The following YTHDC1 variants were observed in gnomAD, a reference collection of about 807,000 sequenced individuals.
YTHDC1 encodes YTH domain-containing protein 1.
Under a neutral mutation model 107.0 loss-of-function variants are expected in YTHDC1, and 12 were observed. That is an observed-to-expected ratio of 0.11 (90% CI 0.07 to 0.18). The LOEUF is 0.18. Among genes scored for constraint, YTHDC1 ranks in the 10% least tolerant of loss-of-function variants. YTHDC1 has a pLI of 1.00. For missense variants in YTHDC1, 635 were observed against 898.8 expected (o/e 0.71, Z 3.75); for synonymous variants, 280 against 289.5 (o/e 0.97, Z 0.33).
At chr4:68,338,182 T>C (rs1724439964) in intron 2 of YTHDC1, 101 bp downstream of exon 2, 1 of 1,332,042 alleles carries the variant, frequency 7.5e-7, no homozygotes, top group African/African-American at 1.5e-5. Flanking sequence ...GTTAACTGCC[T>C]CAAGGAACAA....
intron 15 of YTHDC1, among the ~76,000 whole-genome samples, chr4:68,318,267 G>A (rs1272930973): frequency 1.3e-5 from 2 of 152,004 alleles, no homozygotes; most frequent in African/African-American, 4.8e-5. Context: ...CCCAGCTAAT[G>A]TTTTTTGTAT....
intron 7 of YTHDC1, 61 bp from the exon 8 acceptor site, chr4:68,330,371 TTA>T: frequency 3.4e-6 from 4 of 1,184,178 alleles, no homozygotes; most frequent in East Asian, 2.5e-5. Context: ...GTGTTTCCAG[TTA>T]TGTTTGAAAA....
At position 68,314,120 on chromosome 4, in the gene YTHDC1, C is replaced by T. The variant is rs1330023132; in HGVS notation, c.2163G>A (p.Glu721=). The T allele has an allele frequency of 1.2e-6, 2 of 1,614,080 alleles. No homozygotes were observed. Among genetic ancestry groups the T allele is most frequent in the Admixed American group, 3.3e-5 (2 of 60,010 alleles). The change falls in exon 17 of 17, where the codon GAG becomes GAA. Residue 721 remains glutamate, a synonymous_variant. Transcript: ENST00000344157. ...RLCDRDRDRG[E]RGRYRR ...CCCATTATCTTCTATATCGACCTCT[C>T]TCCCCTCGGTCTCTGTCTCGATCAC... is the stretch of plus-strand genomic sequence containing the variant.
At position 68,327,202 on chromosome 4, in the gene YTHDC1, C is replaced by T. The variant is rs953135069; in HGVS notation, c.1349+2800G>A. On this transcript the variant is annotated intron_variant, in intron 9 of 16. Coordinates refer to ENST00000344157, the MANE Select transcript of YTHDC1 (RefSeq NM_001031732.4). The stretch of plus-strand genomic sequence containing the variant: ...GGTGAGCCGAGATTGCGCCATTGCA[C>T]TCTAGCCTGGGCAACAAGAGCGAAA... Among the ~76,000 whole-genome samples, 3 of 152,066 alleles carry T rather than the reference C, an allele frequency of 2.0e-5. No homozygotes were observed. The South Asian group carries it at 6.2e-4, about 32-fold the overall frequency.
At position 68,313,857 on chromosome 4, in the gene YTHDC1, T is replaced by A. The variant is rs1721514872; in HGVS notation, c.*242A>T. On this transcript the variant is annotated 3_prime_UTR_variant, in exon 17 of 17. Coordinates refer to ENST00000344157, the MANE Select transcript of YTHDC1 (RefSeq NM_001031732.4). ...AGAATCAGTATCTACATTCTTGGACTGTTCCATTCTGCCCCAATAAAAGTG... is the reference window on the plus strand; with the variant it reads ...AGAATCAGTATCTACATTCTTGGACAGTTCCATTCTGCCCCAATAAAAGTG... 1 of 559,840 alleles carries A rather than the reference T, an allele frequency of 1.8e-6. No homozygotes were observed. Among genetic ancestry groups the A allele is most frequent in the African/African-American group, 1.9e-5 (1 of 53,252 alleles). The allele number at this position is 559,840 out of a possible 1,614,324, so 34.7% of individuals were successfully genotyped here.
intron 5 of YTHDC1, 100 bp from the exon 6 acceptor site, chr4:68,332,947 T>G (rs1723754638): frequency 9.6e-7 from 1 of 1,041,916 alleles, no homozygotes; most frequent in African/African-American, 1.6e-5. Context: ...CAAGACAAAT[T>G]ATTCTTCCTG....
At chr4:68,347,646 A>G (rs943173342) in intron 1 of YTHDC1, among the ~76,000 whole-genome samples, 8 of 152,238 alleles carry the variant, frequency 5.3e-5, no homozygotes, top group Non-Finnish European at 1.0e-4. Context: ...TAAACCATTT[A>G]TGGAATCATT....
At chr4:68,326,031 C>A (rs1319590816) in intron 9 of YTHDC1, among the ~76,000 whole-genome samples, 1 of 151,946 alleles carries the variant, frequency 6.6e-6, no homozygotes, top group Non-Finnish European at 1.5e-5. Context: ...TCTTTGTATT[C>A]TGTTGAATAA....
intron 16 of YTHDC1, 37 bp from the exon 17 acceptor site, chr4:68,314,360 AG>A: frequency 6.2e-7 from 1 of 1,604,014 alleles, no homozygotes; most frequent in Non-Finnish European, 8.5e-7. Context: ...TATGTCAAAA[AG>A]GCAAATAGTG....
chr4:68,326,399 T>A (rs1336602282), intron 9 of YTHDC1, among the ~76,000 whole-genome samples: 3 of 152,138 alleles, frequency 2.0e-5, no homozygotes, highest in Admixed American at 1.3e-4. Context: ...CCATGTAGCA[T>A]CCTTATTTTA....
intron 15 of YTHDC1, 75 bp downstream of exon 15, chr4:68,318,444 T>C: frequency 1.4e-6 from 2 of 1,385,842 alleles, no homozygotes; most frequent in South Asian, 1.4e-5. Context: ...GTAACAATCA[T>C]ATTCCGAGTA....
chr4:68,312,790 C>A lies in YTHDC1; in HGVS notation c.*1309G>T, dbSNP rs1048569890. ...TAAAAAAATCAAACATTCAAATATTCCTAATGTTTATAAAGGCCAAATTCC... is the reference window on the plus strand; with the variant it reads ...TAAAAAAATCAAACATTCAAATATTACTAATGTTTATAAAGGCCAAATTCC... On this transcript the variant is annotated 3_prime_UTR_variant, in exon 17 of 17. Transcript: ENST00000344157. 6 of 152,120 alleles carry A rather than the reference C, an allele frequency of 3.9e-5. No homozygotes were observed. The highest frequency in any genetic ancestry group is 1.5e-5 in the Non-Finnish European group (1 of 68,014). 9.4% of individuals were successfully genotyped at this position (152,120 alleles called of 1,614,324 possible).
chr4:68,327,231 C>T (rs973789652), intron 9 of YTHDC1, among the ~76,000 whole-genome samples: 4 of 151,632 alleles, frequency 2.6e-5, no homozygotes, highest in South Asian at 2.1e-4. Flanking sequence ...AGCGAAACTC[C>T]GTCTCAAAAG....
At chr4:68,323,645 G>A (rs1274277198) in intron 10 of YTHDC1, among the ~76,000 whole-genome samples, 1 of 152,072 alleles carries the variant, frequency 6.6e-6, no homozygotes, top group Admixed American at 6.5e-5. Context: ...CAAAACTTCT[G>A]GTTCAGAATT....
intron 15 of YTHDC1, 49 bp downstream of exon 15, chr4:68,318,470 A>G (rs775165968): frequency 4.0e-6 from 6 of 1,509,892 alleles, no homozygotes; most frequent in Non-Finnish European, 4.5e-6. Flanking sequence ...CTGAAATACT[A>G]GAACTGCAAA....
chr4:68,345,496 A>AC (rs1345785373), intron 1 of YTHDC1, among the ~76,000 whole-genome samples: 10 of 152,280 alleles, frequency 6.6e-5, no homozygotes, highest in African/African-American at 2.4e-4. Flanking sequence ...CTTGTAATGT[A>AC]CGTTGTACAT....
chr4:68,342,816 T>C (rs554858613), intron 1 of YTHDC1, among the ~76,000 whole-genome samples: 27 of 152,322 alleles, frequency 1.8e-4, no homozygotes, highest in African/African-American at 6.5e-4. Context: ...AAGACTATAA[T>C]CATCACTGGC....
rs1376410938 is a variant in YTHDC1, at chr4:68,349,909, C to T, written c.-156G>A. The T allele has an allele frequency of 7.1e-6, 7 of 982,030 alleles. No homozygotes were observed. The highest frequency in any genetic ancestry group is 1.1e-5 in the Non-Finnish European group (7 of 651,234). 60.8% of individuals were successfully genotyped at this position (982,030 alleles called of 1,614,324 possible). ...GCCTCTTAACACTCAGCCTTCTCGA[C>T]TCTTCCCGCTTTTTCCCTTTCTCCC... On this transcript the variant is annotated 5_prime_UTR_variant, in exon 1 of 17. Coordinates refer to ENST00000344157, the MANE Select transcript of YTHDC1 (RefSeq NM_001031732.4).
Sources: gnomAD v4.1 joint callset for allele counts (sites outside exome capture counted in the v4.1 genomes callset) on GRCh38, gnomAD v4.1.1 for gene constraint, MANE v1.5 for transcripts, NCBI Gene and HGNC (gene_info 2026-07-23, HGNC 2026-07-21) for gene names.